PUM2: variants seen among roughly 807,000 people sequenced by gnomAD.
PUM2 encodes the protein pumilio homolog 2.
PUM2 carries 57 observed loss-of-function variants against 124.5 expected under a neutral mutation model. The observed-to-expected ratio is 0.46, with a 90% CI of 0.37 to 0.57. The LOEUF (loss-of-function observed/expected upper bound fraction) is 0.57. Among genes scored for constraint, PUM2 ranks in the 20% least tolerant of loss-of-function variants. The pLI is 0.00. For synonymous variants in PUM2, 460 were observed against 446.1 expected (o/e 1.03, Z -0.39); for missense variants, 1,065 against 1,290.6 (o/e 0.83, Z 2.68).
chr2:20,265,115 G>T (rs183792303), intron 13 of PUM2, among the ~76,000 whole-genome samples: 2 of 152,076 alleles, frequency 1.3e-5, no homozygotes, highest in Admixed American at 1.3e-4. Context: ...AGCTGGGCGC[G>T]GTGGCGTGCA....
At chr2:20,345,898 C>T (rs934436567) in intron 1 of PUM2, among the ~76,000 whole-genome samples, 63 of 152,070 alleles carry the variant, frequency 4.1e-4, no homozygotes, top group Admixed American at 7.9e-4. Flanking sequence ...GGTATTTTAG[C>T]GTGATGAAAA....
Position 20,311,634 on chromosome 2 carries a change from A to G in PUM2, c.378T>C (p.Pro126=). 6.2e-7 allele frequency: 1 copy of G among 1,613,232 alleles called. No homozygotes were observed. The highest frequency in any genetic ancestry group is 1.3e-5 in the African/African-American group (1 of 74,970). ...FGTRDAETDG[P]EKGDQKGKAS... is the part of the protein sequence containing the mutation. ...CCTTGCCTTTTTGATCTCCTTTCTCAGGTCCATCTGTTTCAGCATCTCTAG... is the reference window on the plus strand; with the variant it reads ...CCTTGCCTTTTTGATCTCCTTTCTCGGGTCCATCTGTTTCAGCATCTCTAG... The change falls in exon 5 of 21, where the codon CCT becomes CCC. Residue 126 remains proline, a synonymous_variant. Coordinates refer to ENST00000361078, the MANE Select transcript of PUM2 (RefSeq NM_015317.5).
At chr2:20,323,818 T>G (rs892095697) in intron 2 of PUM2, among the ~76,000 whole-genome samples, 3 of 149,602 alleles carry the variant, frequency 2.0e-5, no homozygotes, top group African/African-American at 7.4e-5. Context: ...CTCTTCACAT[T>G]TAACTACCAT....
At chr2:20,281,576 T>C (rs1159186425) in intron 12 of PUM2, among the ~76,000 whole-genome samples, 1 of 152,210 alleles carries the variant, frequency 6.6e-6, no homozygotes. Context: ...CCTCAGAATA[T>C]TTAGGATTCT....
intron 13 of PUM2, among the ~76,000 whole-genome samples, chr2:20,263,922 T>C (rs1263858295): frequency 6.6e-6 from 1 of 152,198 alleles, no homozygotes. Context: ...TATATACTTC[T>C]ATGTAAAAAT....
upstream of PUM2, among the ~76,000 whole-genome samples, chr2:20,351,079 C>G (rs561629683): frequency 3.6e-4 from 55 of 152,326 alleles, 1 homozygote; most frequent in South Asian, 1.0e-3. Context: ...CTGGGCTCCG[C>G]CGCGGCGGGC....
intron 1 of PUM2, among the ~76,000 whole-genome samples, chr2:20,337,564 T>C (rs1686384120): frequency 6.6e-6 from 1 of 152,152 alleles, no homozygotes. Context: ...TTTAATAAAA[T>C]ACATATAGCA....
chr2:20,260,617 A>C (rs1296641998), intron 14 of PUM2, 151 bp from the exon 15 acceptor site: 2 of 581,400 alleles, frequency 3.4e-6, no homozygotes, highest in African/African-American at 3.8e-5. Context: ...AAAAAGGACA[A>C]AAGTTATATA....
At chr2:20,307,941 A>C (rs752777601) in intron 7 of PUM2, 37 bp downstream of exon 7, 1 of 1,587,782 alleles carries the variant, frequency 6.3e-7, no homozygotes, top group Non-Finnish European at 8.6e-7. Flanking sequence ...ACATTTTAAC[A>C]AGACTTTGGT....
chr2:20,314,874 T>C (rs927980793), intron 3 of PUM2, among the ~76,000 whole-genome samples: 2 of 149,368 alleles, frequency 1.3e-5, no homozygotes, highest in South Asian at 2.1e-4. Flanking sequence ...GCAATTAGAA[T>C]AGAAAAAAGT....
At chr2:20,338,345 C>T (rs1274135101) in intron 1 of PUM2, among the ~76,000 whole-genome samples, 3 of 152,026 alleles carry the variant, frequency 2.0e-5, no homozygotes, top group South Asian at 2.1e-4. Flanking sequence ...TGCAGTGAGC[C>T]GAGACTGCAC....
chr2:20,330,160 C>T (rs998291250), intron 1 of PUM2, among the ~76,000 whole-genome samples: 12 of 152,096 alleles, frequency 7.9e-5, no homozygotes, highest in African/African-American at 2.9e-4. Flanking sequence ...TAATGGGGCC[C>T]AGAACATACA....
At chr2:20,305,669 C>A (rs906128702) in intron 7 of PUM2, among the ~76,000 whole-genome samples, 2 of 151,644 alleles carry the variant, frequency 1.3e-5, no homozygotes, top group Non-Finnish European at 2.9e-5. Context: ...CTTTTTTATT[C>A]CAAGAATGGG....
At chr2:20,278,915 A>G (rs943458682) in intron 12 of PUM2, 96 bp from the exon 13 acceptor site, 6 of 862,544 alleles carry the variant, frequency 7.0e-6, no homozygotes, top group African/African-American at 1.7e-5. Flanking sequence ...AGTGATCACA[A>G]TAATTATTTT....
At chr2:20,332,625 G>A (rs1370574016) in intron 1 of PUM2, among the ~76,000 whole-genome samples, 1 of 152,136 alleles carries the variant, frequency 6.6e-6, no homozygotes, top group African/African-American at 2.4e-5. Context: ...ATGCTACTAA[G>A]TGGGACTCCA....
In PUM2 at chr2:20,249,962, G is replaced by A. The variant is rs541568235; in HGVS notation, c.*1623C>T. 2.0e-5 allele frequency: 3 copies of A among 152,672 alleles called. No homozygotes were observed. The highest frequency in any genetic ancestry group is 1.3e-4 in the Admixed American group (2 of 15,294). 9.5% of individuals were successfully genotyped at this position (152,672 alleles called of 1,614,324 possible). The stretch of plus-strand genomic sequence containing the variant: ...ATAAGGCCGCTTGTAAATGTACATC[G>A]TGTTACTGTTATGTCTTATGTCCAG... On this transcript the variant is annotated 3_prime_UTR_variant, in exon 21 of 21. Transcript: ENST00000361078.
At chr2:20,300,956 A>C (rs371540242) in intron 7 of PUM2, among the ~76,000 whole-genome samples, 2 of 152,314 alleles carry the variant, frequency 1.3e-5, no homozygotes, top group African/African-American at 4.8e-5. Context: ...TTATTCCCGT[A>C]AATTGTGCAT....
At chr2:20,266,062 A>C (rs1029530073) in intron 13 of PUM2, among the ~76,000 whole-genome samples, 1 of 152,176 alleles carries the variant, frequency 6.6e-6, no homozygotes, top group East Asian at 1.9e-4. Context: ...ATCGTATACA[A>C]TATCTAATAA....
Position 20,350,719 on chromosome 2 carries a change from T to G in PUM2, c.-141A>C. On this transcript the variant is annotated 5_prime_UTR_variant, in exon 1 of 21. Transcript: ENST00000361078. ...GGCGGCAATGTCTTCTTTCTCCACC[T>G]ACCACCCTCCCCCCCCACCCCACCT... is the stretch of plus-strand genomic sequence containing the variant. 1.0e-6 allele frequency: 1 copy of G among 973,700 alleles called. No individual in the cohort carries two copies. The allele number at this position is 973,700 out of a possible 1,614,324, so 60.3% of individuals were successfully genotyped here. A position where few individuals can be genotyped will look rare whatever the true frequency, so the allele number is the denominator to read the frequency against.
Sources: allele counts gnomAD v4.1 joint callset (sites outside exome capture counted in the v4.1 genomes callset), GRCh38; gene constraint gnomAD v4.1.1; transcripts MANE v1.5; gene names NCBI Gene and HGNC (gene_info 2026-07-23, HGNC 2026-07-21).